Variants in TMEM108 observed in about 807,000 individuals in gnomAD.
TMEM108 encodes transmembrane protein 108, also known as cancer/testis antigen 124.
TMEM108 carries 12 observed loss-of-function variants against 35.1 expected under a neutral mutation model. The ratio of observed to expected loss-of-function variants is 0.34; its 90% CI spans 0.22 to 0.55. TMEM108 has a LOEUF of 0.55. TMEM108 is among the 20% of genes least tolerant of loss of function. The probability of loss-of-function intolerance (pLI) is 0.89; values close to 1 mark genes in which losing one functional copy is unlikely to be tolerated. For synonymous variants in TMEM108, 287 were observed against 308.6 expected (o/e 0.93, Z 0.73); for missense variants, 680 against 753.3 (o/e 0.90, Z 1.14).
chr3:133,194,426 C>G (rs1945547322), intron 2 of TMEM108, among the ~76,000 whole-genome samples: 1 of 152,162 alleles, frequency 6.6e-6, no homozygotes, highest in African/African-American at 2.4e-5. Flanking sequence ...TGCATCTCTT[C>G]TGTAGAAACT....
At chr3:133,373,394 ATAGATAGATAGATAGATAG>A (rs1559935653) in intron 3 of TMEM108, among the ~76,000 whole-genome samples, 1 of 83,452 alleles carries the variant, frequency 1.2e-5, no homozygotes, top group Non-Finnish European at 2.7e-5. Flanking sequence ...TGATAGATAG[ATAGATAGATAGATAGATAG>A]ATAGATAGAT....
chr3:133,095,524 G>GTT (rs1300627798), intron 2 of TMEM108, among the ~76,000 whole-genome samples: 2 of 151,992 alleles, frequency 1.3e-5, no homozygotes, highest in East Asian at 3.9e-4. Flanking sequence ...AAATATTATA[G>GTT]TTATATAACT....
intron 2 of TMEM108, among the ~76,000 whole-genome samples, chr3:133,113,670 A>G (rs564739344): frequency 1.3e-5 from 2 of 152,168 alleles, no homozygotes; most frequent in South Asian, 4.2e-4. Context: ...CCTCACCTCA[A>G]CCCACCCCTA....
chr3:133,234,899 A>AGC (rs1946210971), intron 3 of TMEM108, among the ~76,000 whole-genome samples: 1 of 152,196 alleles, frequency 6.6e-6, no homozygotes, highest in Non-Finnish European at 1.5e-5. Context: ...AAGCAACTTC[A>AGC]ACAGTCTCAG....
At chr3:133,105,161 T>G (rs898802548) in intron 2 of TMEM108, among the ~76,000 whole-genome samples, 1 of 152,196 alleles carries the variant, frequency 6.6e-6, no homozygotes, top group Non-Finnish European at 1.5e-5. Flanking sequence ...GACATCTCTG[T>G]GTCAGGTGGC....
chr3:133,227,265 T>C (rs1348893218), intron 2 of TMEM108, among the ~76,000 whole-genome samples: 2 of 133,862 alleles, frequency 1.5e-5, no homozygotes, highest in Non-Finnish European at 3.1e-5. Flanking sequence ...CAATCTCGGC[T>C]CACTGCAGGC....
intron 4 of TMEM108, among the ~76,000 whole-genome samples, chr3:133,385,187 G>C (rs1421489187): frequency 6.6e-6 from 1 of 152,204 alleles, no homozygotes; most frequent in Non-Finnish European, 1.5e-5. Context: ...CCAATGAAAA[G>C]AGTAGAAGAG....
chr3:133,068,037 G>C (rs1211637394), intron 2 of TMEM108, among the ~76,000 whole-genome samples: 1 of 151,718 alleles, frequency 6.6e-6, no homozygotes, highest in Non-Finnish European at 1.5e-5. Context: ...TTTATCAGGA[G>C]CTCATTTTCA....
chr3:133,147,776 A>G (rs1944742752), intron 2 of TMEM108, among the ~76,000 whole-genome samples: 1 of 152,166 alleles, frequency 6.6e-6, no homozygotes, highest in African/African-American at 2.4e-5. Context: ...GCTTTGAGAA[A>G]TCTTTTCTTT....
intron 2 of TMEM108, among the ~76,000 whole-genome samples, chr3:133,204,499 T>C (rs1945721170): frequency 6.6e-6 from 1 of 152,230 alleles, no homozygotes. Flanking sequence ...GGGTACATTG[T>C]GTCTTTGTTC....
In TMEM108 at chr3:133,073,484, T is replaced by TTCTCTCTCTCTCTCTC. The variant is rs371623398; in HGVS notation, c.-47+27476_-47+27491dup. Among the ~76,000 whole-genome samples, 185 of 55,570 alleles carry TTCTCTCTCTCTCTCTC rather than the reference T, an allele frequency of 3.3e-3. 4 individuals carry two copies. The highest frequency in any genetic ancestry group is 4.2e-3 in the Non-Finnish European group (138 of 32,990). 36.5% of individuals were successfully genotyped at this position (55,570 alleles called of 152,430 possible). A position where few individuals can be genotyped will look rare whatever the true frequency, so the allele number is the denominator to read the frequency against. On this transcript the variant is annotated intron_variant, in intron 2 of 5. Transcript: ENST00000321871. ...TTTTTTAAGGCTGAATAGTATTCTATTCTCTCTCTCTCTCTCTCTCTCTCT... is the reference window on the plus strand; with the variant it reads ...TTTTTTAAGGCTGAATAGTATTCTATTCTCTCTCTCTCTCTCTCTCTCTCTCTCTCTCTCTCTCTCT...
Position 133,386,821 on chromosome 3 carries a change from A to G in TMEM108, c.1451-3359A>G, listed in dbSNP as rs1054607224. Reference sequence around the variant, plus strand: ...GATAGTGGATATCAACTTGAAGATCATCAAGACCTGGACTCAAGTTGCAGT... The same window carrying G: ...GATAGTGGATATCAACTTGAAGATCGTCAAGACCTGGACTCAAGTTGCAGT... On this transcript the variant is annotated intron_variant, in intron 4 of 5. Transcript: ENST00000321871. 13 of 725,570 alleles carry G rather than the reference A, an allele frequency of 1.8e-5. No homozygotes were observed. The African/African-American group carries it at 2.1e-4, about 11-fold the overall frequency. 44.9% of individuals were successfully genotyped at this position (725,570 alleles called of 1,614,324 possible).
intron 4 of TMEM108, chr3:133,386,590 T>C (rs1390719571): frequency 1.4e-6 from 2 of 1,460,092 alleles, no homozygotes; most frequent in Non-Finnish European, 1.8e-6. Flanking sequence ...TTCCCAACTC[T>C]GTTTTAAAAC....
chr3:133,120,128 A>C (rs1050433611), intron 2 of TMEM108, among the ~76,000 whole-genome samples: 1 of 152,252 alleles, frequency 6.6e-6, no homozygotes, highest in Admixed American at 6.5e-5. Context: ...TTCATAAAAC[A>C]ACTTCTGTAC....
rs57781352 is a variant in TMEM108 at position 133,183,024 on chromosome 3, C to T, written c.-46-46242C>T. On this transcript the variant is annotated intron_variant, in intron 2 of 5. Transcript: ENST00000321871. ...CACATTTTGGACTTTCTTTAGATTT[C>T]GAAGTATTTACATATAACCAGTAGA... is the stretch of plus-strand genomic sequence containing the variant. Among the ~76,000 whole-genome samples the T allele has an allele frequency of 1.6e-3, 246 of 152,214 alleles. 1 individual carries two copies. The highest frequency in any genetic ancestry group is 5.1e-3 in the African/African-American group (213 of 41,542).
At chr3:133,093,940 T>A (rs932776560) in intron 2 of TMEM108, among the ~76,000 whole-genome samples, 1 of 152,138 alleles carries the variant, frequency 6.6e-6, no homozygotes, top group Non-Finnish European at 1.5e-5. Flanking sequence ...CCACTTGCAT[T>A]TATAACATCA....
At chr3:133,354,167 T>C (rs1027918161) in intron 3 of TMEM108, among the ~76,000 whole-genome samples, 2 of 152,248 alleles carry the variant, frequency 1.3e-5, no homozygotes, top group African/African-American at 4.8e-5. Flanking sequence ...TGTTCTGTTA[T>C]AAACCACCTT....
intron 2 of TMEM108, among the ~76,000 whole-genome samples, chr3:133,126,470 C>A (rs1044067697): frequency 4.0e-5 from 6 of 150,278 alleles, no homozygotes; most frequent in East Asian, 3.9e-4. Flanking sequence ...TTGTCCCCGC[C>A]CCCCCCAGAA....
intron 3 of TMEM108, among the ~76,000 whole-genome samples, chr3:133,260,035 A>C (rs1946602480): frequency 6.6e-6 from 1 of 152,242 alleles, no homozygotes; most frequent in South Asian, 2.1e-4. Flanking sequence ...GGCTCCTGCC[A>C]GATGTGGAAA....
Sources: allele counts gnomAD v4.1 joint callset (sites outside exome capture counted in the v4.1 genomes callset), GRCh38; gene constraint gnomAD v4.1.1; transcripts MANE v1.5; gene names NCBI Gene and HGNC (gene_info 2026-07-23, HGNC 2026-07-21).